Variants in GALNT13 observed in about 807,000 individuals in gnomAD.
The protein encoded by GALNT13 is UDP-GalNAc:polypeptide N-acetylgalactosaminyltransferase 13.
In GALNT13, 28 loss-of-function variants were observed where a neutral mutation model predicts 64.2. The ratio of observed to expected loss-of-function variants is 0.44; its 90% CI spans 0.32 to 0.60. The LOEUF (loss-of-function observed/expected upper bound fraction) is 0.60, where lower values mean the gene tolerates loss of function less well. GALNT13 is among the 20% of genes least tolerant of loss of function. The pLI is 0.05. For missense variants in GALNT13, 577 were observed against 669.8 expected, an observed-to-expected ratio of 0.86 and a Z score of 1.53; for synonymous variants, 214 against 224.6, an observed-to-expected ratio of 0.95 and a Z score of 0.42.
At chr2:153,688,582 T>C in the GALNT13 span, among the ~76,000 whole-genome samples, 1 of 152,128 alleles carries the variant, frequency 6.6e-6, no homozygotes, top group East Asian at 1.9e-4. Flanking sequence ...CATAGGTTTT[T>C]CTCTTGTTCT....
chr2:154,408,987 A>G lies in GALNT13; in HGVS notation c.1300A>G (p.Arg434Gly). 1.2e-6 allele frequency: 2 copies of G among 1,601,780 alleles called. No individual in the cohort carries two copies. Among genetic ancestry groups the G allele is most frequent in the Admixed American group, 1.7e-5 (1 of 59,520 alleles). The change falls in exon 11 of 13, where the codon AGA becomes GGA. Residue 434 changes from arginine to glycine, a missense_variant. Physicochemically the swap from Arg to Gly is moderately radical, Grantham distance 125. This residue lies in a region of GALNT13 where 232 missense variants were observed against 270.6 expected (regional missense o/e 0.86). Transcript: ENST00000392825. ...CCCTTTTGTGTGTTTCCTTTAGATA[A>G]GAAATGTTGAAACCAATCAGTGTTT... ...PRRYYSLGEI[R>G]NVETNQCLDN...
At chr2:153,349,353 C>G in the GALNT13 span, among the ~76,000 whole-genome samples, 1,211 of 152,290 alleles carry the variant, frequency 8.0e-3, 19 homozygotes, top group African/African-American at 0.028. Context: ...GATGCAATCA[C>G]TCAACTTTAT....
intron 4 of GALNT13, among the ~76,000 whole-genome samples, chr2:154,155,287 C>G (rs1684341750): frequency 6.6e-6 from 1 of 152,032 alleles, no homozygotes; most frequent in Admixed American, 6.5e-5. Context: ...ATTTGAAAGT[C>G]AGTCTTTGTG....
At chr2:154,185,850 T>C (rs1236076850) in intron 4 of GALNT13, among the ~76,000 whole-genome samples, 1 of 152,082 alleles carries the variant, frequency 6.6e-6, no homozygotes, top group Non-Finnish European at 1.5e-5. Context: ...CTTTCTATAC[T>C]CTGCCGTATT....
intron 3 of GALNT13, among the ~76,000 whole-genome samples, chr2:154,119,535 TCTC>T (rs1336704698): frequency 6.6e-6 from 1 of 152,180 alleles, no homozygotes; most frequent in African/African-American, 2.4e-5. Flanking sequence ...TTCTCTTTCT[TCTC>T]CTCCTGCAAC....
At chr2:153,240,094 C>G in the GALNT13 span, among the ~76,000 whole-genome samples, 35 of 152,016 alleles carry the variant, frequency 2.3e-4, no homozygotes, top group African/African-American at 6.5e-4. Flanking sequence ...TAGGTTTTTC[C>G]AATTTGTTGG....
the GALNT13 span, among the ~76,000 whole-genome samples, chr2:153,152,125 C>T: frequency 5.2e-4 from 79 of 152,064 alleles, no homozygotes; most frequent in African/African-American, 1.8e-3. Flanking sequence ...TTGCCCTTTG[C>T]TACATATTCT....
At chr2:153,395,092 C>T in the GALNT13 span, among the ~76,000 whole-genome samples, 1 of 152,148 alleles carries the variant, frequency 6.6e-6, no homozygotes, top group Admixed American at 6.5e-5. Flanking sequence ...GTGGGGCCTC[C>T]TTTGGAGCTC....
intron 4 of GALNT13, among the ~76,000 whole-genome samples, chr2:154,210,236 T>C (rs920817550): frequency 1.3e-5 from 2 of 152,208 alleles, no homozygotes; most frequent in African/African-American, 4.8e-5. Flanking sequence ...CACTCATCCA[T>C]TGATGGACAC....
intron 7 of GALNT13, among the ~76,000 whole-genome samples, chr2:154,250,699 CAA>C (rs1690022130): frequency 6.6e-6 from 1 of 151,824 alleles, no homozygotes; most frequent in Non-Finnish European, 1.5e-5. Flanking sequence ...AAATATAAGA[CAA>C]AGTTTCTTAT....
At chr2:153,220,943 A>G in the GALNT13 span, among the ~76,000 whole-genome samples, 8 of 152,288 alleles carry the variant, frequency 5.3e-5, no homozygotes, top group Non-Finnish European at 7.4e-5. Context: ...ATAAGAATAC[A>G]TGGACACATA....
chr2:154,229,580 A>C (rs1688808540), intron 4 of GALNT13, among the ~76,000 whole-genome samples: 1 of 152,048 alleles, frequency 6.6e-6, no homozygotes, highest in Non-Finnish European at 1.5e-5. Flanking sequence ...TAAATATATA[A>C]AATTTACTGG....
the GALNT13 span, among the ~76,000 whole-genome samples, chr2:153,359,520 G>A: frequency 2.7e-5 from 4 of 149,722 alleles, no homozygotes; most frequent in South Asian, 2.1e-4. Flanking sequence ...ATTGGATGCA[G>A]CACAAACAAT....
chr2:153,844,184 TC>T, the GALNT13 span, among the ~76,000 whole-genome samples: 6 of 152,306 alleles, frequency 3.9e-5, no homozygotes, highest in Non-Finnish European at 8.8e-5. Flanking sequence ...TGGGGGCTTC[TC>T]CCCTGCAGCA....
At chr2:154,193,974 C>A (rs1686738463) in intron 4 of GALNT13, among the ~76,000 whole-genome samples, 1 of 152,040 alleles carries the variant, frequency 6.6e-6, no homozygotes, top group South Asian at 2.1e-4. Flanking sequence ...GGTAAGCAAC[C>A]AATAGATACC....
chr2:153,296,217 T>C, the GALNT13 span, among the ~76,000 whole-genome samples: 1 of 152,150 alleles, frequency 6.6e-6, no homozygotes, highest in Non-Finnish European at 1.5e-5. Flanking sequence ...TGGAAAATTC[T>C]AGAAAGGGGA....
chr2:153,793,169 T>G, the GALNT13 span, among the ~76,000 whole-genome samples: 1 of 152,010 alleles, frequency 6.6e-6, no homozygotes, highest in African/African-American at 2.4e-5. Flanking sequence ...AGACGGGGTT[T>G]CACCATGTTG....
the GALNT13 span, among the ~76,000 whole-genome samples, chr2:153,629,446 T>C: frequency 1.3e-5 from 2 of 152,050 alleles, no homozygotes; most frequent in African/African-American, 2.4e-5. Context: ...GCTAGCCATA[T>C]GTAGAAAGCT....
intron 3 of GALNT13, among the ~76,000 whole-genome samples, chr2:153,986,953 T>A (rs1011397337): frequency 6.6e-6 from 1 of 152,056 alleles, no homozygotes; most frequent in Non-Finnish European, 1.5e-5. Flanking sequence ...TTAAAATTTT[T>A]CCTTCTGGAT....
Sources: allele counts gnomAD v4.1 joint callset (sites outside exome capture counted in the v4.1 genomes callset), GRCh38; gene constraint gnomAD v4.1.1; regional missense constraint gnomAD v4.1.1; transcripts MANE v1.5; gene names NCBI Gene and HGNC (gene_info 2026-07-23, HGNC 2026-07-21).